ZMIZ1: variants seen among roughly 807,000 people sequenced by gnomAD.
The protein encoded by ZMIZ1 is zinc finger MIZ-type containing 1, also known as zinc finger MIZ domain-containing protein 1.
In ZMIZ1, 17 loss-of-function variants were observed where a neutral mutation model predicts 113.9. The ratio of observed to expected loss-of-function variants is 0.15; its 90% CI spans 0.10 to 0.22. The LOEUF (loss-of-function observed/expected upper bound fraction) is 0.22. ZMIZ1 is among the 10% of genes least tolerant of loss of function. ZMIZ1 has a pLI of 1.00. For synonymous variants in ZMIZ1, 607 were observed against 603.1 expected, an observed-to-expected ratio of 1.01 and a Z score of -0.09; for missense variants, 1,059 against 1,477.8, an observed-to-expected ratio of 0.72 and a Z score of 4.65.
intron 10 of ZMIZ1, 77 bp downstream of exon 10, chr10:79,291,253 A>T: frequency 1.4e-6 from 2 of 1,440,788 alleles, no homozygotes; most frequent in Non-Finnish European, 1.8e-6. Flanking sequence ...GACCCACTTA[A>T]ATCCCAGCTC....
chr10:79,217,166 G>A (rs1848767505), intron 7 of ZMIZ1, among the ~76,000 whole-genome samples: 1 of 152,238 alleles, frequency 6.6e-6, no homozygotes, highest in East Asian at 1.9e-4. Context: ...GCTCACGCCT[G>A]TAATCCCAGC....
At chr10:79,106,925 C>A (rs1564654020) in intron 1 of ZMIZ1, among the ~76,000 whole-genome samples, 2 of 152,252 alleles carry the variant, frequency 1.3e-5, no homozygotes, top group South Asian at 4.1e-4. Context: ...TTCTTGAGTG[C>A]CCCTGCCTGA....
chr10:79,089,435 GTTTGCTCTAGTTTGGT>G (rs1842924949), intron 1 of ZMIZ1, among the ~76,000 whole-genome samples: 1 of 152,202 alleles, frequency 6.6e-6, no homozygotes, highest in African/African-American at 2.4e-5. Flanking sequence ...GCCTTCTCCG[GTTTGCTCTAGTTTGGT>G]TTTGGTCTGG....
chr10:79,117,403 G>T (rs1327413948), intron 1 of ZMIZ1, among the ~76,000 whole-genome samples: 1 of 152,162 alleles, frequency 6.6e-6, no homozygotes, highest in Admixed American at 6.5e-5. Context: ...GTCGTGCCTG[G>T]CTTTTTGAGT....
In ZMIZ1 at chr10:79,258,396, AAAG is replaced by A. The variant is rs548249650; in HGVS notation, c.281-18770_281-18768del. Among the ~76,000 whole-genome samples, 559 of 152,350 alleles carry A rather than the reference AAAG, an allele frequency of 3.7e-3. 1 individual carries two copies. The highest frequency in any genetic ancestry group is 0.012 in the African/African-American group (511 of 41,576). ...CCAAATCCTGTCTTAAAAGAAAAAA[AAAG>A]AAGAAGAAGAAGAAAAGAAAATAGT... On this transcript the variant is annotated intron_variant, in intron 7 of 24. Transcript: ENST00000334512.
intron 8 of ZMIZ1, among the ~76,000 whole-genome samples, chr10:79,280,191 C>A (rs1278366555): frequency 6.6e-6 from 1 of 152,044 alleles, no homozygotes; most frequent in Non-Finnish European, 1.5e-5. Context: ...ATTGCCCAGG[C>A]TGGTCTCGAA....
chr10:79,175,409 T>C (rs1236527606), intron 4 of ZMIZ1, among the ~76,000 whole-genome samples: 2 of 152,170 alleles, frequency 1.3e-5, no homozygotes, highest in Non-Finnish European at 2.9e-5. Context: ...TCACCCATTT[T>C]TGTCTGTCTG....
chr10:79,282,255 T>C (rs1274286645), intron 8 of ZMIZ1, among the ~76,000 whole-genome samples: 5 of 152,242 alleles, frequency 3.3e-5, no homozygotes, highest in African/African-American at 1.2e-4. Flanking sequence ...TCATCCTCCA[T>C]AATTTTATTG....
rs886613668 is a variant in ZMIZ1 at position 79,269,561 on chromosome 10, C to T, written c.281-7620C>T. Among the ~76,000 whole-genome samples the T allele has an allele frequency of 1.6e-4, 25 of 151,894 alleles. 1 individual carries two copies. Among genetic ancestry groups the T allele is most frequent in the Admixed American group, 1.3e-3 (20 of 15,250 alleles). ...ATACTTAGGCCTTTGTTTCATTTTG[C>T]GTGTGGCTTCCCCAGGCTGCAGTGT... On this transcript the variant is annotated intron_variant, in intron 7 of 24. Coordinates refer to ENST00000334512, the MANE Select transcript of ZMIZ1 (RefSeq NM_020338.4).
chr10:79,239,413 GT>G (rs1186713553), intron 7 of ZMIZ1, among the ~76,000 whole-genome samples: 3 of 152,234 alleles, frequency 2.0e-5, no homozygotes, highest in African/African-American at 7.2e-5. Flanking sequence ...GCTCATGCCT[GT>G]CACTCTCACG....
intron 8 of ZMIZ1, among the ~76,000 whole-genome samples, chr10:79,288,039 G>A (rs1218400935): frequency 1.3e-5 from 2 of 152,244 alleles, no homozygotes; most frequent in Non-Finnish European, 2.9e-5. Flanking sequence ...CAGACAGGAA[G>A]AAAGCGAGGG....
At chr10:79,130,256 GC>G (rs150633241) in intron 2 of ZMIZ1, among the ~76,000 whole-genome samples, 1,950 of 152,246 alleles carry the variant, frequency 0.013, 39 homozygotes, top group African/African-American at 0.045. Flanking sequence ...TGACATTAAG[GC>G]CCTTACTGAG....
At chr10:79,270,853 TG>T (rs1851904944) in intron 7 of ZMIZ1, among the ~76,000 whole-genome samples, 1 of 152,128 alleles carries the variant, frequency 6.6e-6, no homozygotes, top group Admixed American at 6.5e-5. Context: ...TTCTGGATCC[TG>T]GGGAACTGTC....
chr10:79,208,595 G>A, intron 6 of ZMIZ1, 146 bp downstream of exon 6: 1 of 698,600 alleles, frequency 1.4e-6, no homozygotes, highest in Non-Finnish European at 2.4e-6. Context: ...TGGGGGGATG[G>A]CCCTATTTGG....
At chr10:79,234,453 A>G (rs1400845338) in intron 7 of ZMIZ1, among the ~76,000 whole-genome samples, 1 of 152,212 alleles carries the variant, frequency 6.6e-6, no homozygotes, top group Non-Finnish European at 1.5e-5. Context: ...TTCTGAAATG[A>G]AAGTGGTTTT....
Position 79,201,616 on chromosome 10 carries a change from C to A in ZMIZ1, c.-17C>A, listed in dbSNP as rs1848083884. Reference sequence around the variant, plus strand: ...AACGTTCATGGCTCTCGGGTAGAACCTAGTGAAACGGCCAGAATGAATTCT... The same window carrying A: ...AACGTTCATGGCTCTCGGGTAGAACATAGTGAAACGGCCAGAATGAATTCT... On this transcript the variant is annotated 5_prime_UTR_variant, in exon 5 of 25. Transcript: ENST00000334512. 22 of 1,613,264 alleles carry A rather than the reference C, an allele frequency of 1.4e-5. No homozygotes were observed. Among genetic ancestry groups the A allele is most frequent in the Non-Finnish European group, 1.7e-5 (20 of 1,179,710 alleles).
At chr10:79,189,350 G>A (rs1235517610) in intron 4 of ZMIZ1, among the ~76,000 whole-genome samples, 1 of 152,170 alleles carries the variant, frequency 6.6e-6, no homozygotes, top group Non-Finnish European at 1.5e-5. Flanking sequence ...AGGCACCCAA[G>A]TCTCTGGCTC....
chr10:79,158,044 G>A (rs1845972757), intron 3 of ZMIZ1, among the ~76,000 whole-genome samples: 1 of 152,124 alleles, frequency 6.6e-6, no homozygotes, highest in African/African-American at 2.4e-5. Context: ...ACCAGATGTG[G>A]GTGGACACCC....
In ZMIZ1 at chr10:79,154,767, G is replaced by C. The variant is rs140064862; in HGVS notation, c.-130-7286G>C. Among the ~76,000 whole-genome samples the C allele has an allele frequency of 4.7e-3, 715 of 152,200 alleles. 17 individuals carry two copies. The highest frequency in any genetic ancestry group is 9.9e-4 in the Non-Finnish European group (67 of 67,962). ...AGGTGGTTCTACGAAGCCCAGCTGT[G>C]GGGGTCTATGAAGCCTCTCCTGAGT... On this transcript the variant is annotated intron_variant, in intron 3 of 24. Transcript: ENST00000334512.
Sources: gnomAD v4.1 joint callset for allele counts (sites outside exome capture counted in the v4.1 genomes callset) on GRCh38, gnomAD v4.1.1 for gene constraint, MANE v1.5 for transcripts, NCBI Gene and HGNC (gene_info 2026-07-23, HGNC 2026-07-21) for gene names.